GNAO1: variants seen among roughly 807,000 people sequenced by gnomAD.
The protein encoded by GNAO1 is G protein subunit alpha o1.
For missense variants in GNAO1, 166 were observed against 478.7 expected, an observed-to-expected ratio of 0.35 and a Z score of 6.10; for synonymous variants, 164 against 180.7, an observed-to-expected ratio of 0.91 and a Z score of 0.74.
chr16:56,315,551 G>A (rs1185572142), intron 3 of GNAO1, among the ~76,000 whole-genome samples: 1 of 152,098 alleles, frequency 6.6e-6, no homozygotes, highest in East Asian at 1.9e-4. Flanking sequence ...ATACCCAGGA[G>A]GTGTAGAACA....
At chr16:56,350,335 G>T (rs564358364) in intron 6 of GNAO1, among the ~76,000 whole-genome samples, 17 of 152,284 alleles carry the variant, frequency 1.1e-4, no homozygotes, top group African/African-American at 3.9e-4. Context: ...AGTTCCCAGG[G>T]CTAGGACAGG....
chr16:56,278,672 G>A (rs372191040), intron 3 of GNAO1, among the ~76,000 whole-genome samples: 6 of 152,268 alleles, frequency 3.9e-5, no homozygotes, highest in Admixed American at 1.3e-4. Context: ...ACTGCATAAT[G>A]TCAGATAATG....
chr16:56,355,207 TTA>T (rs57085646), intron 8 of GNAO1, 126 bp downstream of exon 8: 1,201 of 199,224 alleles, frequency 6.0e-3, no homozygotes, highest in Middle Eastern at 0.013. Flanking sequence ...TAACAAAACC[TTA>T]TATATATATA....
chr16:56,322,372 A>C (rs748797718), intron 3 of GNAO1, among the ~76,000 whole-genome samples: 1 of 152,180 alleles, frequency 6.6e-6, no homozygotes, highest in Non-Finnish European at 1.5e-5. Context: ...ATGGTGCTAG[A>C]AAATACCCAC....
intron 3 of GNAO1, among the ~76,000 whole-genome samples, chr16:56,282,108 GATC>G: frequency 6.6e-6 from 1 of 152,128 alleles, no homozygotes; most frequent in South Asian, 2.1e-4. Context: ...GCAGAGTGTA[GATC>G]CTGTTCCTCT....
intron 2 of GNAO1, among the ~76,000 whole-genome samples, chr16:56,214,903 C>T (rs1314181900): frequency 6.6e-6 from 1 of 152,248 alleles, no homozygotes; most frequent in Admixed American, 6.5e-5. Context: ...ATAAAGTCTC[C>T]TCAGCTGCCT....
chr16:56,308,072 A>G (rs1381794344), intron 3 of GNAO1: 1 of 152,186 alleles, frequency 6.6e-6, no homozygotes, highest in Non-Finnish European at 1.5e-5. Context: ...CTGAGGGTAA[A>G]TGACCTTGGG....
At chr16:56,221,927 T>C (rs2036492991) in intron 2 of GNAO1, among the ~76,000 whole-genome samples, 1 of 152,100 alleles carries the variant, frequency 6.6e-6, no homozygotes, top group Non-Finnish European at 1.5e-5. Flanking sequence ...TAATGGTGTC[T>C]GGAGAGAATG....
chr16:56,285,676 C>T (rs141591613), intron 3 of GNAO1, among the ~76,000 whole-genome samples: 37 of 152,364 alleles, frequency 2.4e-4, no homozygotes, highest in African/African-American at 8.9e-4. Context: ...AATGCATCTA[C>T]TTAACAAATC....
At chr16:56,288,766 G>A (rs1206563722) in intron 3 of GNAO1, among the ~76,000 whole-genome samples, 7 of 152,184 alleles carry the variant, frequency 4.6e-5, no homozygotes, top group Non-Finnish European at 8.8e-5. Flanking sequence ...GTCATGAACC[G>A]GAAGCATACC....
chr16:56,304,442 T>G (rs2037374446), intron 3 of GNAO1, among the ~76,000 whole-genome samples: 1 of 152,220 alleles, frequency 6.6e-6, no homozygotes, highest in African/African-American at 2.4e-5. Context: ...ACGGGATATA[T>G]TAGATGTGCT....
At chr16:56,279,959 T>TAGGA (rs758155695) in intron 3 of GNAO1, among the ~76,000 whole-genome samples, 2 of 152,216 alleles carry the variant, frequency 1.3e-5, no homozygotes, top group Admixed American at 6.5e-5. Context: ...CAGCACTTAG[T>TAGGA]AGGACTTCAA....
chr16:56,340,889 T>C (rs771308763), intron 6 of GNAO1: 2 of 1,614,004 alleles, frequency 1.2e-6, no homozygotes, highest in Non-Finnish European at 1.7e-6. Context: ...AACAAATGGT[T>C]CACAGACACG....
At chr16:56,268,988 G>A (rs1204586106) in intron 2 of GNAO1, among the ~76,000 whole-genome samples, 3 of 152,094 alleles carry the variant, frequency 2.0e-5, no homozygotes, top group African/African-American at 7.2e-5. Context: ...CAGGGGCCAC[G>A]TCCCATTACT....
At chr16:56,344,307 A>C in intron 6 of GNAO1, 1 of 1,151,702 alleles carries the variant, frequency 8.7e-7, no homozygotes. Context: ...TCCTCCTGTC[A>C]TCTTGGGTGG....
intron 2 of GNAO1, among the ~76,000 whole-genome samples, chr16:56,214,723 A>G (rs920587411): frequency 6.6e-5 from 10 of 152,180 alleles, no homozygotes; most frequent in Non-Finnish European, 1.5e-5. Context: ...CTCCTCTGCC[A>G]TCCTGGGAAC....
intron 2 of GNAO1, among the ~76,000 whole-genome samples, chr16:56,258,619 A>G (rs542810448): frequency 6.6e-6 from 1 of 152,340 alleles, no homozygotes; most frequent in African/African-American, 2.4e-5. Flanking sequence ...ATTCAGGAAG[A>G]GCCCTGTTCC....
intron 3 of GNAO1, among the ~76,000 whole-genome samples, chr16:56,277,956 T>G (rs117990893): frequency 0.026 from 3,979 of 152,306 alleles, 120 homozygotes; most frequent in South Asian, 0.1. Flanking sequence ...AATACTTTTC[T>G]CCTTCCATTT....
intron 2 of GNAO1, 109 bp downstream of exon 2, chr16:56,192,725 TGCACACACACACAC>T (rs1332361960): frequency 1.7e-6 from 1 of 574,486 alleles, no homozygotes; most frequent in Non-Finnish European, 3.2e-6. Context: ...TTTTAATTCG[TGCACACACACACAC>T]ACACACACAC....
Sources: gnomAD v4.1 joint callset for allele counts (sites outside exome capture counted in the v4.1 genomes callset) on GRCh38, gnomAD v4.1.1 for gene constraint, MANE v1.5 for transcripts, NCBI Gene and HGNC (gene_info 2026-07-23, HGNC 2026-07-21) for gene names.